Variants in SNX29 observed in about 807,000 individuals in gnomAD.
SNX29 encodes the protein sorting nexin-29.
In SNX29, 78 loss-of-function variants were observed where a neutral mutation model predicts 102.1. The observed-to-expected ratio is 0.76, with a 90% CI of 0.64 to 0.92. SNX29 has a LOEUF of 0.92. Among genes scored for constraint, SNX29 ranks in the 40% least tolerant of loss-of-function variants. SNX29 has a pLI of 0.00. For synonymous variants in SNX29, 580 were observed against 414.5 expected (o/e 1.40, Z -4.85); for missense variants, 1,280 against 1,061.7 (o/e 1.21, Z -2.86).
At chr16:12,555,636 C>T (rs1343275635) in intron 20 of SNX29, among the ~76,000 whole-genome samples, 1 of 152,014 alleles carries the variant, frequency 6.6e-6, no homozygotes, top group Non-Finnish European at 1.5e-5. Context: ...ACCTGAGTAA[C>T]CCCACTGATG....
chr16:12,508,525 A>C (rs867062285), intron 19 of SNX29, among the ~76,000 whole-genome samples: 1 of 152,226 alleles, frequency 6.6e-6, no homozygotes, highest in African/African-American at 2.4e-5. Flanking sequence ...AGCTGATTTG[A>C]GAATGGAGAG....
intron 17 of SNX29, among the ~76,000 whole-genome samples, 172 bp from the exon 18 acceptor site, chr16:12,403,276 A>G (rs1437264299): frequency 6.7e-6 from 1 of 150,104 alleles, no homozygotes; most frequent in Non-Finnish European, 1.5e-5. Context: ...AGACTGAGTG[A>G]TGACTTAAAC....
Position 12,002,983 on chromosome 16 carries a change from C to A in SNX29, c.70-8C>A, listed in dbSNP as rs376491991. ...CAGCTGATCTCAGCAGCTTCTTTTTCTGTGCAGTGCCAGATCCGCTTTGGA... is the reference window on the plus strand; with the variant it reads ...CAGCTGATCTCAGCAGCTTCTTTTTATGTGCAGTGCCAGATCCGCTTTGGA... On this transcript the variant is annotated splice_polypyrimidine_tract_variant and splice_region_variant and intron_variant, in intron 2 of 20. Transcript: ENST00000566228. 135 of 1,614,180 alleles carry A rather than the reference C, an allele frequency of 8.4e-5. No homozygotes were observed. In the African/African-American group the frequency reaches 1.2e-3, roughly 15 times the overall value.
intron 1 of SNX29, among the ~76,000 whole-genome samples, chr16:11,983,390 C>T (rs1453241125): frequency 6.6e-6 from 1 of 151,960 alleles, no homozygotes; most frequent in African/African-American, 2.4e-5. Context: ...TCTTAGTTTT[C>T]TGGAATGTTG....
At chr16:12,495,152 T>C (rs1255197038) in intron 19 of SNX29, among the ~76,000 whole-genome samples, 1 of 152,110 alleles carries the variant, frequency 6.6e-6, no homozygotes, top group Non-Finnish European at 1.5e-5. Context: ...GGCAATTCTT[T>C]CGTTTTCTTT....
At chr16:12,433,264 A>G (rs2151635887) in intron 18 of SNX29, among the ~76,000 whole-genome samples, 1 of 152,274 alleles carries the variant, frequency 6.6e-6, no homozygotes, top group Non-Finnish European at 1.5e-5. Context: ...CGATGTAACG[A>G]GCCTTCTTCC....
chr16:12,552,433 G>T (rs1012613921), intron 20 of SNX29, among the ~76,000 whole-genome samples: 2 of 152,156 alleles, frequency 1.3e-5, no homozygotes, highest in African/African-American at 4.8e-5. Context: ...CTTTTGGCTC[G>T]AGAGCTGGAG....
At chr16:12,546,583 C>T (rs1343576895) in intron 20 of SNX29, 1 of 152,114 alleles carries the variant, frequency 6.6e-6, no homozygotes, top group Middle Eastern at 3.2e-3. Context: ...GGCTGTGTCC[C>T]CACCCAAGGA....
intron 3 of SNX29, among the ~76,000 whole-genome samples, chr16:12,026,312 G>A (rs1360187686): frequency 6.6e-6 from 1 of 152,180 alleles, no homozygotes; most frequent in Admixed American, 6.5e-5. Context: ...TAACTGAAAT[G>A]GTCTGGTTAA....
intron 14 of SNX29, among the ~76,000 whole-genome samples, chr16:12,206,400 A>G (rs1567310925): frequency 1.3e-5 from 2 of 151,922 alleles, no homozygotes; most frequent in African/African-American, 4.8e-5. Context: ...AAAAAAAAAA[A>G]AAAGCCCTGA....
intron 14 of SNX29, among the ~76,000 whole-genome samples, chr16:12,214,464 C>T (rs2077269852): frequency 6.6e-6 from 1 of 152,144 alleles, no homozygotes; most frequent in Non-Finnish European, 1.5e-5. Flanking sequence ...TTGAAAACTG[C>T]TCTATTTTAA....
intron 19 of SNX29, among the ~76,000 whole-genome samples, chr16:12,497,936 T>C (rs909066666): frequency 6.6e-6 from 1 of 152,186 alleles, no homozygotes; most frequent in Non-Finnish European, 1.5e-5. Context: ...GGATAATTTC[T>C]GTCCACTCTC....
chr16:12,513,326 C>T (rs1254844639), intron 19 of SNX29, among the ~76,000 whole-genome samples: 1 of 143,920 alleles, frequency 6.9e-6, no homozygotes, highest in Non-Finnish European at 1.5e-5. Context: ...TCTCCCTTCC[C>T]CTGCCTGCCC....
At chr16:12,174,780 G>A (rs113372584) in intron 13 of SNX29, among the ~76,000 whole-genome samples, 7 of 152,204 alleles carry the variant, frequency 4.6e-5, no homozygotes, top group Non-Finnish European at 8.8e-5. Context: ...TGTGGGATCT[G>A]TGCCATGTGG....
intron 14 of SNX29, among the ~76,000 whole-genome samples, chr16:12,229,835 AG>A (rs1265533078): frequency 6.6e-6 from 1 of 152,156 alleles, no homozygotes. Context: ...TAGATCACTC[AG>A]GTAGCTCAGC....
chr16:12,030,529 C>A (rs1226893892), intron 4 of SNX29, among the ~76,000 whole-genome samples: 1 of 152,204 alleles, frequency 6.6e-6, no homozygotes, highest in Admixed American at 6.5e-5. Context: ...TTTTCTGTCT[C>A]TCACATGGGT....
intron 14 of SNX29, among the ~76,000 whole-genome samples, chr16:12,246,607 G>T (rs114514591): frequency 1.3e-5 from 2 of 152,118 alleles, no homozygotes; most frequent in Non-Finnish European, 2.9e-5. Flanking sequence ...GCCACTGGGT[G>T]ACAGAGCGAG....
At chr16:12,219,225 A>G (rs1462219793) in intron 14 of SNX29, among the ~76,000 whole-genome samples, 1 of 149,646 alleles carries the variant, frequency 6.7e-6, no homozygotes, top group African/African-American at 2.5e-5. Context: ...ACCACATGTT[A>G]TATCGTCAGT....
intron 11 of SNX29, among the ~76,000 whole-genome samples, chr16:12,116,013 G>T (rs2053684075): frequency 6.6e-6 from 1 of 152,238 alleles, no homozygotes; most frequent in Non-Finnish European, 1.5e-5. Context: ...ATTCATTGTG[G>T]TGAAATAATC....
Sources: gnomAD v4.1 joint callset for allele counts (sites outside exome capture counted in the v4.1 genomes callset) on GRCh38, gnomAD v4.1.1 for gene constraint, MANE v1.5 for transcripts, NCBI Gene and HGNC (gene_info 2026-07-23, HGNC 2026-07-21) for gene names.